The following USP48 variants were observed in gnomAD, a reference collection of about 807,000 sequenced individuals.
USP48 encodes ubiquitin carboxyl-terminal hydrolase 48.
In USP48, 43 loss-of-function variants were observed where a neutral mutation model predicts 150.7. The observed-to-expected ratio is 0.29, with a 90% confidence interval of 0.22 to 0.37. USP48 has a LOEUF of 0.37. Ranked by LOEUF, USP48 falls within the 10% of genes least tolerant of loss-of-function variation. The pLI, the probability that USP48 is intolerant of heterozygous loss-of-function variation, is 1.00. For missense variants in USP48, 813 were observed against 1,249.6 expected, an observed-to-expected ratio of 0.65 and a Z score of 5.27; for synonymous variants, 396 against 425.9, an observed-to-expected ratio of 0.93 and a Z score of 0.86.
intron 8 of USP48, among the ~76,000 whole-genome samples, chr1:21,740,403 C>A (rs1488675131): frequency 1.3e-5 from 2 of 152,200 alleles, no homozygotes; most frequent in Non-Finnish European, 2.9e-5. Flanking sequence ...CTGCTCTCCA[C>A]AGGAAATGGT....
At chr1:21,701,009 G>A (rs370345317) in intron 22 of USP48, among the ~76,000 whole-genome samples, 17 of 144,272 alleles carry the variant, frequency 1.2e-4, no homozygotes, top group African/African-American at 3.4e-4. Context: ...AGGTTGCAGC[G>A]AGCCGAGATT....
At chr1:21,769,255 AAC>A (rs1417427711) in intron 1 of USP48, among the ~76,000 whole-genome samples, 1 of 152,182 alleles carries the variant, frequency 6.6e-6, no homozygotes, top group Non-Finnish European at 1.5e-5. Context: ...TTATAGAAAT[AAC>A]ACAGGAGAAT....
intron 22 of USP48, among the ~76,000 whole-genome samples, chr1:21,700,373 C>T (rs1394127122): frequency 6.6e-6 from 1 of 152,122 alleles, no homozygotes; most frequent in East Asian, 1.9e-4. Context: ...ATGCTGACAT[C>T]CCTTTACACC....
At chr1:21,732,104 C>A (rs897223659) in intron 9 of USP48, among the ~76,000 whole-genome samples, 2 of 151,996 alleles carry the variant, frequency 1.3e-5, no homozygotes, top group African/African-American at 4.8e-5. Context: ...GTGGTGAAAC[C>A]CCATCTCTAC....
chr1:21,745,840 G>A (rs1452976093), intron 8 of USP48, among the ~76,000 whole-genome samples: 2 of 152,200 alleles, frequency 1.3e-5, no homozygotes, highest in Non-Finnish European at 2.9e-5. Flanking sequence ...CTGAACAAAG[G>A]AGGCAGGAAG....
chr1:21,778,278 C>A (rs1366882280), intron 1 of USP48, among the ~76,000 whole-genome samples: 2 of 151,908 alleles, frequency 1.3e-5, no homozygotes, highest in East Asian at 1.9e-4. Flanking sequence ...AATAAGTACA[C>A]AAAAAGATGT....
At chr1:21,764,753 T>C (rs1225609412) in intron 1 of USP48, among the ~76,000 whole-genome samples, 1 of 150,112 alleles carries the variant, frequency 6.7e-6, no homozygotes, top group Non-Finnish European at 1.5e-5. Context: ...TAGGCATGAC[T>C]GATTGAATCA....
At chr1:21,759,393 C>A (rs1464293896) in intron 1 of USP48, among the ~76,000 whole-genome samples, 1 of 152,092 alleles carries the variant, frequency 6.6e-6, no homozygotes, top group Non-Finnish European at 1.5e-5. Flanking sequence ...ACAAAAGGAA[C>A]AAACAGCCAA....
intron 8 of USP48, among the ~76,000 whole-genome samples, chr1:21,742,987 TG>T (rs1204391655): frequency 1.3e-5 from 2 of 152,184 alleles, no homozygotes; most frequent in Admixed American, 6.5e-5. Flanking sequence ...AAAAACTGGG[TG>T]TTTTTAACGT....
chr1:21,696,330 TA>T (rs780259262), intron 22 of USP48, among the ~76,000 whole-genome samples: 25 of 152,222 alleles, frequency 1.6e-4, no homozygotes, highest in Non-Finnish European at 3.1e-4. Flanking sequence ...TCCCAGCTAC[TA>T]GGGGGCCAAG....
At chr1:21,765,051 T>C (rs565202558) in intron 1 of USP48, among the ~76,000 whole-genome samples, 1 of 152,154 alleles carries the variant, frequency 6.6e-6, no homozygotes, top group South Asian at 2.1e-4. Flanking sequence ...AAAGAAAACA[T>C]CTCAAAAATG....
chr1:21,699,192 A>ATTTTTG (rs2097647168), intron 22 of USP48, among the ~76,000 whole-genome samples: 1 of 63,612 alleles, frequency 1.6e-5, no homozygotes, highest in Non-Finnish European at 3.1e-5. Flanking sequence ...ACCACACCTA[A>ATTTTTG]TTTTTTTTTT....
At position 21,752,703 on chromosome 1, in the gene USP48, T is replaced by C. The variant is rs759467391; in HGVS notation, c.541-52A>G. On this transcript the variant is annotated intron_variant, in intron 4 of 26. Coordinates refer to ENST00000308271, the MANE Select transcript of USP48 (RefSeq NM_032236.8). ...AAATCATATCTTGCTTTTCAACTTC[T>C]ACTACAAATAGTAATACATTCAACA... 3.3e-6 allele frequency: 5 copies of C among 1,537,498 alleles called. No homozygotes were observed. In the East Asian group the frequency reaches 6.8e-5, roughly 21 times the overall value.
At chr1:21,768,432 A>T (rs1210796359) in intron 1 of USP48, 1 of 152,772 alleles carries the variant, frequency 6.5e-6, no homozygotes, top group Non-Finnish European at 1.5e-5. Flanking sequence ...CAGAACCACA[A>T]GGACGCTGGT....
intron 25 of USP48, among the ~76,000 whole-genome samples, chr1:21,682,637 G>A (rs2097569106): frequency 6.6e-6 from 1 of 152,118 alleles, no homozygotes; most frequent in Non-Finnish European, 1.5e-5. Flanking sequence ...AGCACACTGG[G>A]AGGCCGAGGC....
chr1:21,724,016 G>GT lies in USP48; in HGVS notation c.1529dup (p.His510GlnfsTer8). ...GCTTGTCATGGGAACACAGGCAAGC[G>GT]TGATTATCAATAGGTTTGGTAGGTG... On this transcript the variant is annotated frameshift_variant, in exon 12 of 27. Transcript: ENST00000308271. LOFTEE classifies it high-confidence loss of function. The GT allele has an allele frequency of 6.2e-7, 1 of 1,614,136 alleles. No homozygotes were observed. The highest frequency in any genetic ancestry group is 8.5e-7 in the Non-Finnish European group (1 of 1,180,024).
At chr1:21,749,281 C>T (rs1165081059) in intron 6 of USP48, among the ~76,000 whole-genome samples, 1 of 152,128 alleles carries the variant, frequency 6.6e-6, no homozygotes, top group Non-Finnish European at 1.5e-5. Flanking sequence ...ACTGGCATTC[C>T]TCCAGGGACT....
rs1185263002 is a variant in USP48, at chr1:21,688,842, CAAAAAAAAA to C, written c.3009+1123_3009+1131del. On this transcript the variant is annotated intron_variant, in intron 24 of 26. Transcript: ENST00000308271. The stretch of plus-strand genomic sequence containing the variant: ...TGGGCAACACAGCGAGACTCCATCT[CAAAAAAAAA>C]AAAAAAAAAAAGAAGAAGCCCCTAC... Among the ~76,000 whole-genome samples, 401 of 88,980 alleles carry C rather than the reference CAAAAAAAAA, an allele frequency of 4.5e-3. 4 individuals carry two copies. Among genetic ancestry groups the C allele is most frequent in the African/African-American group, 0.017 (384 of 22,702 alleles). 58.4% of individuals were successfully genotyped at this position (88,980 alleles called of 152,430 possible). A position where few individuals can be genotyped will look rare whatever the true frequency, so the allele number is the denominator to read the frequency against.
chr1:21,702,613 A>G (rs2097660444), intron 21 of USP48, among the ~76,000 whole-genome samples: 1 of 146,088 alleles, frequency 6.8e-6, no homozygotes, highest in South Asian at 2.3e-4. Context: ...ACCTTGCTTG[A>G]AACTCTCCAG....
Sources: allele counts gnomAD v4.1 joint callset (sites outside exome capture counted in the v4.1 genomes callset), GRCh38; gene constraint gnomAD v4.1.1; transcripts MANE v1.5; gene names NCBI Gene and HGNC (gene_info 2026-07-23, HGNC 2026-07-21).